Variants in PARP15 observed in about 807,000 individuals in gnomAD.
PARP15 encodes the protein protein mono-ADP-ribosyltransferase PARP15.
In PARP15, 50 loss-of-function variants were observed where a neutral mutation model predicts 62.1. The observed-to-expected ratio is 0.81, with a 90% CI of 0.64 to 1.02. The LOEUF is 1.02. Ranked by LOEUF, PARP15 falls within the 50% of genes least tolerant of loss-of-function variation. The pLI is 0.00. For synonymous variants in PARP15, 309 were observed against 293.1 expected, an observed-to-expected ratio of 1.05 and a Z score of -0.55; for missense variants, 820 against 826.5, an observed-to-expected ratio of 0.99 and a Z score of 0.10.
chr3:122,599,626 T>C (rs1432177689), intron 1 of PARP15, among the ~76,000 whole-genome samples: 1 of 152,180 alleles, frequency 6.6e-6, no homozygotes, highest in African/African-American at 2.4e-5. Flanking sequence ...TGCCCAGGCA[T>C]GCAGTGGCAT....
chr3:122,615,484 G>A (rs1262983499), intron 4 of PARP15: 21 of 1,212,070 alleles, frequency 1.7e-5, no homozygotes, highest in Admixed American at 9.5e-5. Flanking sequence ...GAGGGATAAC[G>A]ATAGTGGTCA....
rs1351569043 is a variant in PARP15, at chr3:122,577,658, C to T, written c.-10C>T. Reference sequence around the variant, plus strand: ...GGGTGGGGCGCAACTGCAGTCCCAGCGAGCTGAGGATGGCTGCGCCAGGCC... The same window carrying T: ...GGGTGGGGCGCAACTGCAGTCCCAGTGAGCTGAGGATGGCTGCGCCAGGCC... On this transcript the variant is annotated 5_prime_UTR_variant, in exon 1 of 12. Coordinates refer to ENST00000464300, the MANE Select transcript of PARP15 (RefSeq NM_001113523.3). 6.4e-7 allele frequency: 1 copy of T among 1,551,394 alleles called. No individual in the cohort carries two copies. Among genetic ancestry groups the T allele is most frequent in the Non-Finnish European group, 8.7e-7 (1 of 1,146,934 alleles).
chr3:122,635,678 G>T, intron 11 of PARP15, 133 bp from the exon 12 acceptor site: 1 of 999,932 alleles, frequency 1.0e-6, no homozygotes, highest in Non-Finnish European at 1.4e-6. Context: ...CTCCCAAAGT[G>T]TTGGGATTAC....
At chr3:122,634,521 G>A (rs1937241815) in intron 10 of PARP15, among the ~76,000 whole-genome samples, 1 of 152,094 alleles carries the variant, frequency 6.6e-6, no homozygotes, top group South Asian at 2.1e-4. Flanking sequence ...GCTATTCAGA[G>A]GTCTAGAAAA....
At position 122,636,026 on chromosome 3, in the gene PARP15, CG is replaced by C. The variant is rs762249487; in HGVS notation, c.1964del (p.Arg655HisfsTer20). On this transcript the variant is annotated frameshift_variant, in exon 12 of 12. Coordinates refer to ENST00000464300, the MANE Select transcript of PARP15 (RefSeq NM_001113523.3). LOFTEE classifies it low-confidence loss of function (END_TRUNC). Reference sequence around the variant, plus strand: ...CTTTGACTCAGTGACAAACAATACACGATCTCCAAAGCTATTTGTGGTATTC... The same window carrying C: ...CTTTGACTCAGTGACAAACAATACACATCTCCAAAGCTATTTGTGGTATTC... The part of the protein sequence containing the change: ...DLFDSVTNNT[R>X]SPKLFVVFFD... 3.7e-6 allele frequency: 6 copies of C among 1,613,906 alleles called. No homozygotes were observed. Among genetic ancestry groups the C allele is most frequent in the Non-Finnish European group, 5.1e-6 (6 of 1,179,922 alleles).
chr3:122,629,529 C>A (rs557208123), intron 9 of PARP15, among the ~76,000 whole-genome samples: 34 of 152,164 alleles, frequency 2.2e-4, no homozygotes, highest in Non-Finnish European at 3.2e-4. Context: ...CAGTGGTCCC[C>A]AAACTTTTTG....
chr3:122,612,778 C>T (rs1266241788), intron 3 of PARP15, among the ~76,000 whole-genome samples: 2 of 151,976 alleles, frequency 1.3e-5, no homozygotes, highest in Non-Finnish European at 2.9e-5. Flanking sequence ...GTTAAAGACT[C>T]TTCATAAACA....
At chr3:122,593,784 A>G (rs1934133186) in intron 1 of PARP15, among the ~76,000 whole-genome samples, 1 of 152,154 alleles carries the variant, frequency 6.6e-6, no homozygotes, top group South Asian at 2.1e-4. Flanking sequence ...AATCACAAGT[A>G]TATATTTACA....
rs1216209971 is a variant in PARP15, at chr3:122,590,487, G to A, written c.186+12634G>A. ...GACGGGGTTTCGCCTTGTTAGCCAG[G>A]ATGGTCTCGATCTCCTGACCTCGTG... On this transcript the variant is annotated intron_variant, in intron 1 of 11. Coordinates refer to ENST00000464300, the MANE Select transcript of PARP15 (RefSeq NM_001113523.3). 2.0e-5 allele frequency among the ~76,000 whole-genome samples: 3 copies of A among 151,808 alleles called. No homozygotes were observed. In the East Asian group the frequency reaches 5.9e-4, roughly 30 times the overall value.
At chr3:122,583,876 C>T (rs1329132692) in intron 1 of PARP15, among the ~76,000 whole-genome samples, 1 of 152,202 alleles carries the variant, frequency 6.6e-6, no homozygotes, top group East Asian at 1.9e-4. Flanking sequence ...CTCTCCTCTC[C>T]AGTACTCTGA....
chr3:122,598,722 G>A (rs1934550373), intron 1 of PARP15, among the ~76,000 whole-genome samples: 1 of 152,102 alleles, frequency 6.6e-6, no homozygotes, highest in Non-Finnish European at 1.5e-5. Context: ...AAGGCTCAAT[G>A]ACCAGGAAGT....
At chr3:122,597,746 C>T in intron 1 of PARP15, among the ~76,000 whole-genome samples, 1 of 152,220 alleles carries the variant, frequency 6.6e-6, no homozygotes, top group South Asian at 2.1e-4. Flanking sequence ...TATATATATG[C>T]ATATTATAAT....
chr3:122,598,885 C>CT (rs911235005), intron 1 of PARP15, among the ~76,000 whole-genome samples: 2 of 151,778 alleles, frequency 1.3e-5, no homozygotes, highest in Admixed American at 6.6e-5. Context: ...TTATTTTATT[C>CT]TTTTTTTTAT....
intron 1 of PARP15, among the ~76,000 whole-genome samples, chr3:122,602,723 C>A (rs74366117): frequency 0.016 from 2,409 of 148,388 alleles, 66 homozygotes; most frequent in African/African-American, 0.058. Context: ...TATTGAATCT[C>A]TAAGGGCAAG....
chr3:122,625,174 C>T (rs1201963763), intron 8 of PARP15, among the ~76,000 whole-genome samples: 1 of 152,106 alleles, frequency 6.6e-6, no homozygotes, highest in Non-Finnish European at 1.5e-5. Flanking sequence ...CTCCAAAATT[C>T]ATATGTTGAA....
In PARP15 at chr3:122,579,999, G is replaced by GTATATATATATATA. The variant is rs59527124; in HGVS notation, c.186+2170_186+2183dup. 3.4e-3 allele frequency among the ~76,000 whole-genome samples: 216 copies of GTATATATATATATA among 64,270 alleles called. 2 individuals are homozygous for GTATATATATATATA. Among genetic ancestry groups the GTATATATATATATA allele is most frequent in the Non-Finnish European group, 5.1e-3 (155 of 30,598 alleles). The allele number at this position is 64,270 out of a possible 152,430, so 42.2% of individuals were successfully genotyped here. On this transcript the variant is annotated intron_variant, in intron 1 of 11. Coordinates refer to ENST00000464300, the MANE Select transcript of PARP15 (RefSeq NM_001113523.3). ...GTCTGAACAACAACAGCAACTATAT[G>GTATATATATATATA]TATATATATATATATATATATATAT... is the stretch of plus-strand genomic sequence containing the variant.
chr3:122,580,815 GCTAATAATAATGAC>G (rs61216549), intron 1 of PARP15, among the ~76,000 whole-genome samples: 75,196 of 151,604 alleles, frequency 0.5, 18,949 homozygotes, highest in African/African-American at 0.58. Flanking sequence ...ATGAACTTGG[GCTAATAATAATGAC>G]TGTACAAATA....
At chr3:122,615,524 C>T in intron 4 of PARP15, 1 of 1,119,862 alleles carries the variant, frequency 8.9e-7, no homozygotes, top group Non-Finnish European at 1.2e-6. Context: ...CCTGCAGAGC[C>T]ACAGTCAGCA....
At chr3:122,616,204 G>A (rs1395304438) in intron 5 of PARP15, among the ~76,000 whole-genome samples, 1 of 152,074 alleles carries the variant, frequency 6.6e-6, no homozygotes, top group Non-Finnish European at 1.5e-5. Flanking sequence ...CTGTATAAAC[G>A]TTGAAAGGTA....
Sources: allele counts gnomAD v4.1 joint callset (sites outside exome capture counted in the v4.1 genomes callset), GRCh38; gene constraint gnomAD v4.1.1; transcripts MANE v1.5; gene names NCBI Gene and HGNC (gene_info 2026-07-23, HGNC 2026-07-21).